The following ATG5 variants were observed in gnomAD, a reference collection of about 807,000 sequenced individuals.
ATG5 encodes the protein autophagy protein 5.
ATG5 carries 14 observed loss-of-function variants against 36.5 expected under a neutral mutation model. The observed-to-expected ratio is 0.38, with a 90% CI of 0.25 to 0.60. The LOEUF (loss-of-function observed/expected upper bound fraction) is 0.60. Among genes scored for constraint, ATG5 ranks in the 20% least tolerant of loss-of-function variants. The pLI is 0.60. For synonymous variants in ATG5, 95 were observed against 101.5 expected (o/e 0.94, Z 0.38); for missense variants, 195 against 326.7 (o/e 0.60, Z 3.11).
chr6:106,251,029 G>T (rs1778554677), intron 5 of ATG5, among the ~76,000 whole-genome samples: 1 of 152,216 alleles, frequency 6.6e-6, no homozygotes, highest in Non-Finnish European at 1.5e-5. Context: ...CCTGGCCCAG[G>T]GTTAACCAGC....
intron 6 of ATG5, among the ~76,000 whole-genome samples, chr6:106,241,730 T>A (rs1489462562): frequency 6.6e-6 from 1 of 152,148 alleles, no homozygotes; most frequent in African/African-American, 2.4e-5. Context: ...AAGACTGACC[T>A]CCCTTGAGCA....
chr6:106,288,299 T>C (rs956057528), intron 4 of ATG5, among the ~76,000 whole-genome samples: 48 of 152,242 alleles, frequency 3.2e-4, no homozygotes, highest in African/African-American at 1.0e-3. Context: ...TATGTTTAAA[T>C]TTTTTAATAT....
At chr6:106,211,481 C>A (rs1460748329) in intron 6 of ATG5, among the ~76,000 whole-genome samples, 1 of 152,136 alleles carries the variant, frequency 6.6e-6, no homozygotes, top group Non-Finnish European at 1.5e-5. Flanking sequence ...GAGGCTGAGG[C>A]GGGTGGATCA....
At chr6:106,189,607 G>A (rs2114305780) in intron 7 of ATG5, among the ~76,000 whole-genome samples, 1 of 147,884 alleles carries the variant, frequency 6.8e-6, no homozygotes. Context: ...GGTAACAAGT[G>A]AGACCCTGTG....
chr6:106,237,885 G>A (rs540879418), intron 6 of ATG5, among the ~76,000 whole-genome samples: 1 of 152,164 alleles, frequency 6.6e-6, no homozygotes, highest in Admixed American at 6.5e-5. Context: ...CATAAGCACA[G>A]TACAGAGCCT....
intron 2 of ATG5, among the ~76,000 whole-genome samples, chr6:106,312,488 T>A (rs1004860461): frequency 6.6e-6 from 1 of 151,498 alleles, no homozygotes; most frequent in Non-Finnish European, 1.5e-5. Flanking sequence ...TGTCAAGATA[T>A]AAATGCTTGA....
intron 1 of ATG5, among the ~76,000 whole-genome samples, chr6:106,316,611 T>C (rs1770861065): frequency 6.6e-6 from 1 of 152,176 alleles, no homozygotes; most frequent in Admixed American, 6.5e-5. Flanking sequence ...ACCTATACCC[T>C]GTGAATCCTG....
intron 3 of ATG5, among the ~76,000 whole-genome samples, chr6:106,303,973 G>C (rs936291502): frequency 2.9e-5 from 4 of 136,634 alleles, no homozygotes; most frequent in Non-Finnish European, 4.7e-5. Context: ...ACTCCAATAA[G>C]GAAAAAAAAA....
chr6:106,316,221 TA>T lies in ATG5; in HGVS notation c.-14del. 1 of 1,606,614 alleles carries T rather than the reference TA, an allele frequency of 6.2e-7. No individual in the cohort carries two copies. The highest frequency in any genetic ancestry group is 8.5e-7 in the Non-Finnish European group (1 of 1,173,562). ...TGTCATCTGTCATTCTTCCAGGAGTTAAAGCAGTACATACAGGCTAAATTCT... is the reference window on the plus strand; with the variant it reads ...TGTCATCTGTCATTCTTCCAGGAGTTAAGCAGTACATACAGGCTAAATTCT... On this transcript the variant is annotated 5_prime_UTR_variant, in exon 2 of 8. Coordinates refer to ENST00000369076, the MANE Select transcript of ATG5 (RefSeq NM_004849.4).
intron 3 of ATG5, among the ~76,000 whole-genome samples, chr6:106,295,709 ATG>A (rs1207979309): frequency 6.6e-6 from 1 of 152,026 alleles, no homozygotes; most frequent in Admixed American, 6.6e-5. Flanking sequence ...GACTACAGAC[ATG>A]TGCCACTATG....
intron 6 of ATG5, among the ~76,000 whole-genome samples, chr6:106,245,311 A>C (rs1778283825): frequency 1.3e-5 from 2 of 152,232 alleles, no homozygotes; most frequent in Non-Finnish European, 2.9e-5. Context: ...TCTTCAAAGA[A>C]TACCACCAGT....
intron 1 of ATG5, among the ~76,000 whole-genome samples, chr6:106,319,783 T>G (rs1770994240): frequency 6.6e-6 from 1 of 152,194 alleles, no homozygotes; most frequent in South Asian, 2.1e-4. Context: ...CTCATTCATC[T>G]TTTCACCTCT....
intron 5 of ATG5, among the ~76,000 whole-genome samples, chr6:106,268,889 G>A (rs1779329765): frequency 6.6e-6 from 1 of 151,488 alleles, no homozygotes; most frequent in South Asian, 2.1e-4. Context: ...GTGGGTTGGG[G>A]GCAAGCAGAG....
At chr6:106,277,847 T>C (rs1212759607) in intron 5 of ATG5, among the ~76,000 whole-genome samples, 1 of 152,172 alleles carries the variant, frequency 6.6e-6, no homozygotes, top group East Asian at 1.9e-4. Flanking sequence ...AATAAATGTA[T>C]ACTGAACAAT....
At chr6:106,294,875 A>T (rs571654770) in intron 3 of ATG5, among the ~76,000 whole-genome samples, 1 of 150,202 alleles carries the variant, frequency 6.7e-6, no homozygotes, top group Admixed American at 6.6e-5. Context: ...TTTAGGATGA[A>T]CGCCCGGTCG....
chr6:106,216,090 G>C (rs1215897463), intron 6 of ATG5, among the ~76,000 whole-genome samples: 1 of 152,080 alleles, frequency 6.6e-6, no homozygotes, highest in African/African-American at 2.4e-5. Flanking sequence ...TAAAACTATA[G>C]AAAATAAGCG....
At chr6:106,310,907 C>T (rs1175847147) in intron 2 of ATG5, among the ~76,000 whole-genome samples, 7 of 152,210 alleles carry the variant, frequency 4.6e-5, no homozygotes, top group Non-Finnish European at 8.8e-5. Flanking sequence ...CTGTCAGCTA[C>T]AATGGAAACT....
At chr6:106,217,819 T>C (rs934249581) in intron 6 of ATG5, among the ~76,000 whole-genome samples, 1 of 152,138 alleles carries the variant, frequency 6.6e-6, no homozygotes, top group Non-Finnish European at 1.5e-5. Flanking sequence ...GAATACAATA[T>C]CTGAAGAGAG....
At chr6:106,217,130 AAAGTC>A (rs1394106806) in intron 6 of ATG5, among the ~76,000 whole-genome samples, 4 of 152,176 alleles carry the variant, frequency 2.6e-5, no homozygotes, top group African/African-American at 7.2e-5. Flanking sequence ...TAAAAAAATT[AAAGTC>A]AAGAACCCCA....
Sources: allele counts gnomAD v4.1 joint callset (sites outside exome capture counted in the v4.1 genomes callset), GRCh38; gene constraint gnomAD v4.1.1; transcripts MANE v1.5; gene names NCBI Gene and HGNC (gene_info 2026-07-23, HGNC 2026-07-21).